The following PPM1L variants were observed in gnomAD, a reference collection of about 807,000 sequenced individuals.
PPM1L encodes protein phosphatase 1L.
A neutral mutation model predicts 31.4 loss-of-function variants in PPM1L; 13 were observed. The ratio of observed to expected loss-of-function variants is 0.41; its 90% CI spans 0.27 to 0.66. The LOEUF is 0.66. PPM1L is among the 30% of genes least tolerant of loss of function. The pLI is 0.29. For synonymous variants in PPM1L, 184 were observed against 175.4 expected, an observed-to-expected ratio of 1.05 and a Z score of -0.39; for missense variants, 326 against 453.7, an observed-to-expected ratio of 0.72 and a Z score of 2.56.
chr3:160,962,460 G>T (rs2108108787), intron 2 of PPM1L, among the ~76,000 whole-genome samples: 1 of 152,034 alleles, frequency 6.6e-6, no homozygotes. Flanking sequence ...TCTATTATAT[G>T]GTCTGTCAGC....
rs1051141924 is a variant in PPM1L at position 160,975,147 on chromosome 3, G to T, written c.574+13237G>T. 1.2e-4 allele frequency among the ~76,000 whole-genome samples: 19 copies of T among 152,160 alleles called. No individual in the cohort carries two copies. The East Asian group carries it at 1.9e-3, about 15-fold the overall frequency. On this transcript the variant is annotated intron_variant, in intron 2 of 3. Transcript: ENST00000498165. ...AATAGGGAATCCTTTCCCCATTGCT[G>T]GTTTTTCTCAGGTTTGTCAAAGATT...
intron 2 of PPM1L, among the ~76,000 whole-genome samples, chr3:161,058,040 G>T (rs1160706447): frequency 6.7e-6 from 1 of 148,352 alleles, no homozygotes; most frequent in Non-Finnish European, 1.5e-5. Context: ...TTGTTTTTGA[G>T]TTCCAGAGAG....
intron 1 of PPM1L, among the ~76,000 whole-genome samples, chr3:160,890,590 C>G (rs1713104009): frequency 6.6e-6 from 1 of 152,184 alleles, no homozygotes; most frequent in Non-Finnish European, 1.5e-5. Flanking sequence ...TCCTATCAAA[C>G]TACCATTGAC....
At chr3:160,797,378 C>A (rs1038086544) in intron 1 of PPM1L, among the ~76,000 whole-genome samples, 3 of 152,144 alleles carry the variant, frequency 2.0e-5, no homozygotes, top group African/African-American at 7.2e-5. Flanking sequence ...AGTCTCTCTC[C>A]CTCTCCTAGG....
intron 2 of PPM1L, among the ~76,000 whole-genome samples, chr3:160,964,812 G>A (rs115516169): frequency 0.011 from 1,671 of 152,036 alleles, 32 homozygotes; most frequent in Non-Finnish European, 0.016. Flanking sequence ...AATGAGTGTT[G>A]CTGTGTGTTG....
intron 1 of PPM1L, among the ~76,000 whole-genome samples, chr3:160,809,562 C>T (rs1217570288): frequency 6.6e-6 from 1 of 152,190 alleles, no homozygotes; most frequent in Non-Finnish European, 1.5e-5. Context: ...TCCCCACTCT[C>T]TACTTTGTGC....
chr3:160,776,963 A>G (rs16847253), intron 1 of PPM1L, among the ~76,000 whole-genome samples: 4,003 of 152,140 alleles, frequency 0.026, 177 homozygotes, highest in African/African-American at 0.088. Flanking sequence ...TCATGGAATC[A>G]GAGAAGATTA....
chr3:160,929,222 A>G (rs958471763), intron 1 of PPM1L, among the ~76,000 whole-genome samples: 15 of 152,200 alleles, frequency 9.9e-5, no homozygotes, highest in African/African-American at 3.4e-4. Context: ...CCCTACCCCA[A>G]AATGAAAACT....
intron 1 of PPM1L, among the ~76,000 whole-genome samples, chr3:160,826,160 G>A (rs1048280648): frequency 6.6e-6 from 1 of 152,080 alleles, no homozygotes. Flanking sequence ...TTTCAGACAC[G>A]ACTTCTCTGT....
chr3:161,050,238 C>A (rs979614872), intron 2 of PPM1L, among the ~76,000 whole-genome samples: 44 of 152,138 alleles, frequency 2.9e-4, no homozygotes. Context: ...TCTTAAGTTA[C>A]TGAAATGACA....
In PPM1L at chr3:160,835,036, A is replaced by ACTT. The variant is rs1491239346; in HGVS notation, c.399+78331_399+78332insTCT. 1.9e-3 allele frequency among the ~76,000 whole-genome samples: 138 copies of ACTT among 72,010 alleles called. 1 individual carries two copies. Among genetic ancestry groups the ACTT allele is most frequent in the African/African-American group, 0.011 (116 of 10,936 alleles). The allele number at this position is 72,010 out of a possible 152,430, so 47.2% of individuals were successfully genotyped here. A position where few individuals can be genotyped will look rare whatever the true frequency, so the allele number is the denominator to read the frequency against. On this transcript the variant is annotated intron_variant, in intron 1 of 3. Coordinates refer to ENST00000498165, the MANE Select transcript of PPM1L (RefSeq NM_139245.4). Reference sequence around the variant, plus strand: ...TACTACTACTACTACTATTACTACTACTACTTCTTCTTCTTCTTCTTCTTC... The same window carrying ACTT: ...TACTACTACTACTACTATTACTACTACTTCTACTTCTTCTTCTTCTTCTTCTTC...
chr3:160,990,003 T>TTTTG (rs1244075134), intron 2 of PPM1L, among the ~76,000 whole-genome samples: 2 of 151,562 alleles, frequency 1.3e-5, no homozygotes, highest in Admixed American at 6.6e-5. Flanking sequence ...TTTTGTTTTG[T>TTTTG]TTTGTTTTTG....
intron 1 of PPM1L, among the ~76,000 whole-genome samples, chr3:160,797,377 C>T (rs1397196252): frequency 6.6e-6 from 1 of 152,162 alleles, no homozygotes; most frequent in East Asian, 1.9e-4. Context: ...CAGTCTCTCT[C>T]CCTCTCCTAG....
At chr3:160,946,552 T>G (rs1259748654) in intron 1 of PPM1L, among the ~76,000 whole-genome samples, 3 of 152,194 alleles carry the variant, frequency 2.0e-5, no homozygotes, top group Admixed American at 2.0e-4. Context: ...AGATTTCATC[T>G]TGTGGAACTG....
Position 161,068,967 on chromosome 3 carries a change from T to C in PPM1L, c.893T>C (p.Ile298Thr), listed in dbSNP as rs1203739018. The C allele has an allele frequency of 6.2e-7, 1 of 1,614,230 alleles. No homozygotes were observed. Among genetic ancestry groups the C allele is most frequent in the South Asian group, 1.1e-5 (1 of 91,080 alleles). The change falls in exon 4 of 4, where the codon ATC becomes ACC. Residue 298 changes from isoleucine to threonine, a missense_variant. Ile to Thr is a moderately conservative substitution (Grantham distance 89). Coordinates refer to ENST00000498165, the MANE Select transcript of PPM1L (RefSeq NM_139245.4). ...DLDKLQPEFM[I>T]LASDGLWDAF... Reference sequence around the variant, plus strand: ...GACAAGCTTCAGCCTGAGTTCATGATCTTGGCATCAGATGGTCTCTGGGAT... The same window carrying C: ...GACAAGCTTCAGCCTGAGTTCATGACCTTGGCATCAGATGGTCTCTGGGAT...
At chr3:160,861,234 A>G (rs184103038) in intron 1 of PPM1L, among the ~76,000 whole-genome samples, 9 of 152,320 alleles carry the variant, frequency 5.9e-5, no homozygotes, top group African/African-American at 1.9e-4. Context: ...TGGAAGTTGT[A>G]TAGAGTAAGG....
chr3:160,860,122 T>C (rs1390181751), intron 1 of PPM1L, among the ~76,000 whole-genome samples: 1 of 152,150 alleles, frequency 6.6e-6, no homozygotes, highest in East Asian at 1.9e-4. Context: ...CTGGGAAACA[T>C]TGGGAGATAA....
intron 1 of PPM1L, among the ~76,000 whole-genome samples, chr3:160,944,926 G>GAT (rs1315405845): frequency 9.2e-5 from 5 of 54,572 alleles, no homozygotes; most frequent in Non-Finnish European, 1.8e-4. Context: ...ATATAGTGGA[G>GAT]ATATATATAT....
intron 1 of PPM1L, among the ~76,000 whole-genome samples, chr3:160,860,299 G>A (rs1711845110): frequency 6.6e-6 from 1 of 152,110 alleles, no homozygotes; most frequent in African/African-American, 2.4e-5. Flanking sequence ...ACAAACTCCT[G>A]ACTCACCTTG....
Sources: gnomAD v4.1 joint callset for allele counts (sites outside exome capture counted in the v4.1 genomes callset) on GRCh38, gnomAD v4.1.1 for gene constraint, MANE v1.5 for transcripts, NCBI Gene and HGNC (gene_info 2026-07-23, HGNC 2026-07-21) for gene names.